Variants in KCND3 observed in about 807,000 individuals in gnomAD.
KCND3 encodes potassium voltage-gated channel subfamily D member 3, also known as A-type voltage-gated potassium channel KCND3.
KCND3 carries 9 observed loss-of-function variants against 51.1 expected under a neutral mutation model. That is an observed-to-expected ratio of 0.18 (90% confidence interval 0.11 to 0.31). The LOEUF is 0.31. KCND3 is among the 10% of genes least tolerant of loss of function. The pLI is 1.00. For synonymous variants in KCND3, 349 were observed against 368.0 expected (o/e 0.95, Z 0.59); for missense variants, 526 against 903.8 (o/e 0.58, Z 5.36).
intron 2 of KCND3, among the ~76,000 whole-genome samples, chr1:111,957,901 A>C (rs1476522056): frequency 6.6e-6 from 1 of 152,230 alleles, no homozygotes. Flanking sequence ...TTACAAAATA[A>C]GTTTGTTAAA....
chr1:111,828,133 AT>A (rs1666660581), intron 2 of KCND3, among the ~76,000 whole-genome samples: 1 of 152,200 alleles, frequency 6.6e-6, no homozygotes, highest in Non-Finnish European at 1.5e-5. Context: ...CTGACGGGGC[AT>A]ATCTGGAGTG....
At chr1:111,895,316 G>T (rs1457516669) in intron 2 of KCND3, among the ~76,000 whole-genome samples, 1 of 152,114 alleles carries the variant, frequency 6.6e-6, no homozygotes, top group Non-Finnish European at 1.5e-5. Flanking sequence ...TGAGGGTCAG[G>T]GGGAGGCCTT....
At chr1:111,964,211 G>A (rs184525049) in intron 2 of KCND3, among the ~76,000 whole-genome samples, 1 of 152,216 alleles carries the variant, frequency 6.6e-6, no homozygotes, top group Admixed American at 6.5e-5. Flanking sequence ...GGACTTGACT[G>A]TCTGCCCTGG....
chr1:111,802,830 GC>G, intron 2 of KCND3, among the ~76,000 whole-genome samples: 1 of 152,350 alleles, frequency 6.6e-6, no homozygotes, highest in Non-Finnish European at 1.5e-5. Flanking sequence ...ACCCTGAAGA[GC>G]CCTTTCACAT....
intron 2 of KCND3, among the ~76,000 whole-genome samples, chr1:111,899,139 C>G (rs763316152): frequency 3.3e-5 from 5 of 152,180 alleles, no homozygotes; most frequent in Non-Finnish European, 5.9e-5. Context: ...CCCACAGTGA[C>G]TACAAGGGTC....
intron 2 of KCND3, among the ~76,000 whole-genome samples, chr1:111,793,339 C>A (rs1446000594): frequency 6.6e-6 from 1 of 151,982 alleles, no homozygotes; most frequent in East Asian, 1.9e-4. Context: ...CCACGCCTGG[C>A]TAATTTTTTG....
chr1:111,780,461 C>A lies in KCND3; in HGVS notation c.1372-147G>T. ...AATTTCAGGGTCAGCATTGAATATGCTAACCTTTGGGCTCAGGGGCCCTTG... is the reference window on the plus strand; with the variant it reads ...AATTTCAGGGTCAGCATTGAATATGATAACCTTTGGGCTCAGGGGCCCTTG... On this transcript the variant is annotated intron_variant, in intron 4 of 7. Coordinates refer to ENST00000302127, the MANE Select transcript of KCND3 (RefSeq NM_001378969.1). This position sits in a 1 kb window ranked among gnomAD's most constrained non-coding sequence, Gnocchi z 4.2. 1.1e-6 allele frequency: 1 copy of A among 904,688 alleles called. No homozygotes were observed. Among genetic ancestry groups the A allele is most frequent in the South Asian group, 1.4e-5 (1 of 69,502 alleles). The allele number at this position is 904,688 out of a possible 1,614,324, so 56.0% of individuals were successfully genotyped here.
intron 2 of KCND3, among the ~76,000 whole-genome samples, chr1:111,891,073 G>A (rs1048482700): frequency 6.6e-6 from 1 of 152,180 alleles, no homozygotes; most frequent in Non-Finnish European, 1.5e-5. Context: ...TCAGAAACCA[G>A]CTCTCCACTT....
At chr1:111,866,579 A>AACACACACACACACAC (rs771342858) in intron 2 of KCND3, among the ~76,000 whole-genome samples, 1,944 of 126,788 alleles carry the variant, frequency 0.015, 49 homozygotes, top group African/African-American at 0.024. Context: ...TGTTTCTTTA[A>AACACACACACACACAC]ACACACACAC....
intron 2 of KCND3, among the ~76,000 whole-genome samples, chr1:111,926,876 G>T (rs1671726421): frequency 6.6e-6 from 1 of 152,254 alleles, no homozygotes; most frequent in Admixed American, 6.5e-5. Flanking sequence ...TTTAGGAAGT[G>T]CTCCCTTTGG....
intron 2 of KCND3, among the ~76,000 whole-genome samples, chr1:111,899,511 A>G (rs1387895473): frequency 6.6e-6 from 1 of 152,218 alleles, no homozygotes; most frequent in Admixed American, 6.5e-5. Context: ...GTCTGCAGAA[A>G]GGCCTCCTAA....
intron 2 of KCND3, among the ~76,000 whole-genome samples, chr1:111,969,002 C>T (rs918936417): frequency 2.0e-5 from 3 of 152,108 alleles, no homozygotes; most frequent in African/African-American, 7.2e-5. Context: ...TATTTACCCT[C>T]TCAGGCTTTT....
chr1:111,860,194 A>C (rs1229868418), intron 2 of KCND3, among the ~76,000 whole-genome samples: 1 of 152,268 alleles, frequency 6.6e-6, no homozygotes, highest in Non-Finnish European at 1.5e-5. Context: ...TCTAAAAGGT[A>C]AGTTGCACAC....
chr1:111,825,374 A>G (rs1007087646), intron 2 of KCND3, among the ~76,000 whole-genome samples: 2 of 152,170 alleles, frequency 1.3e-5, no homozygotes, highest in Non-Finnish European at 2.9e-5. Context: ...GCAGCACACT[A>G]ATCTCTGCCA....
intron 2 of KCND3, among the ~76,000 whole-genome samples, chr1:111,837,442 C>T (rs534047994): frequency 6.6e-6 from 1 of 152,164 alleles, no homozygotes; most frequent in Non-Finnish European, 1.5e-5. Context: ...TCCCATGGCT[C>T]TATGAGGTAG....
chr1:111,793,399 G>A (rs1444581345), intron 2 of KCND3, among the ~76,000 whole-genome samples: 6 of 151,250 alleles, frequency 4.0e-5, no homozygotes, highest in South Asian at 2.1e-4. Context: ...GGATGGTCTC[G>A]ATCTCTTGAC....
intron 2 of KCND3, among the ~76,000 whole-genome samples, chr1:111,949,799 T>C (rs571356459): frequency 6.6e-6 from 1 of 152,314 alleles, no homozygotes; most frequent in Non-Finnish European, 1.5e-5. Flanking sequence ...TTCCCAAGGA[T>C]GGGTGTTTTC....
In KCND3 at chr1:111,981,863, C is replaced by A. The variant is rs769635941; in HGVS notation, c.864G>T (p.Thr288=). The change falls in exon 2 of 8, where the codon ACG becomes ACT. Residue 288 remains threonine, a synonymous_variant. Transcript: ENST00000302127. This position sits in a 1 kb window ranked among gnomAD's most constrained non-coding sequence, Gnocchi z 6.2. The part of the protein sequence containing the change: ...NNEDVSGAFV[T]LRVFRVFRIF... Reference sequence around the variant, plus strand: ...TCCTGAAGACGCGGAAGACCCGGAGCGTGACGAAGGCGCCGGACACGTCCT... The same window carrying A: ...TCCTGAAGACGCGGAAGACCCGGAGAGTGACGAAGGCGCCGGACACGTCCT... 3 of 1,613,838 alleles carry A rather than the reference C, an allele frequency of 1.9e-6. No individual in the cohort carries two copies. Among genetic ancestry groups the A allele is most frequent in the Non-Finnish European group, 2.5e-6 (3 of 1,180,000 alleles).
At chr1:111,800,538 TAAAA>T (rs1225253414) in intron 2 of KCND3, among the ~76,000 whole-genome samples, 4 of 91,554 alleles carry the variant, frequency 4.4e-5, no homozygotes, top group Non-Finnish European at 9.2e-5. Flanking sequence ...GAATTATCAA[TAAAA>T]AAATAAATTT....
Sources: allele counts gnomAD v4.1 joint callset (sites outside exome capture counted in the v4.1 genomes callset), GRCh38; gene constraint gnomAD v4.1.1; non-coding constraint Gnocchi (gnomAD v3.1); transcripts MANE v1.5; gene names NCBI Gene and HGNC (gene_info 2026-07-23, HGNC 2026-07-21).